TRPM3: variants seen among roughly 807,000 people sequenced by gnomAD.
The protein encoded by TRPM3 is transient receptor potential cation channel subfamily M member 3.
TRPM3 carries 77 observed loss-of-function variants against 181.2 expected under a neutral mutation model. That is an observed-to-expected ratio of 0.42 (90% CI 0.35 to 0.51). The LOEUF (loss-of-function observed/expected upper bound fraction) is 0.51. Ranked by LOEUF, TRPM3 falls within the 20% of genes least tolerant of loss-of-function variation. The pLI, the probability that TRPM3 is intolerant of heterozygous loss-of-function variation, is 0.01. For missense variants in TRPM3, 1,759 were observed against 2,196.7 expected (o/e 0.80, Z 3.98); for synonymous variants, 745 against 796.4 (o/e 0.94, Z 1.09).
At chr9:71,305,229 A>G (rs914997543) in intron 1 of TRPM3, among the ~76,000 whole-genome samples, 1 of 152,228 alleles carries the variant, frequency 6.6e-6, no homozygotes, top group African/African-American at 2.4e-5. Flanking sequence ...AGGTTTAATT[A>G]TAATCAAAAT....
intron 1 of TRPM3, among the ~76,000 whole-genome samples, chr9:70,961,182 G>T (rs2097133090): frequency 6.6e-6 from 1 of 152,152 alleles, no homozygotes; most frequent in African/African-American, 2.4e-5. Context: ...AGAGGTTGGA[G>T]CAATGTGCTT....
At chr9:71,058,689 A>C (rs761565835) in intron 1 of TRPM3, among the ~76,000 whole-genome samples, 18 of 152,130 alleles carry the variant, frequency 1.2e-4, no homozygotes, top group Non-Finnish European at 2.6e-4. Flanking sequence ...AATTAACTTA[A>C]ATTTGGCCTG....
intron 1 of TRPM3, among the ~76,000 whole-genome samples, chr9:71,240,711 T>C (rs923232982): frequency 6.6e-6 from 1 of 152,186 alleles, no homozygotes; most frequent in Admixed American, 6.5e-5. Flanking sequence ...ATATTTTTAG[T>C]GGTGAGTTAG....
At chr9:70,833,462 C>T (rs751198350) in intron 5 of TRPM3, among the ~76,000 whole-genome samples, 4 of 152,146 alleles carry the variant, frequency 2.6e-5, no homozygotes, top group Admixed American at 6.5e-5. Flanking sequence ...AAAATATTAG[C>T]ATTTATTGAT....
intron 1 of TRPM3, among the ~76,000 whole-genome samples, chr9:71,377,024 GAA>G (rs1565513020): frequency 6.6e-6 from 1 of 152,232 alleles, no homozygotes; most frequent in East Asian, 1.9e-4. Flanking sequence ...CACGTGCCAT[GAA>G]AGTGTTATTA....
At chr9:70,776,538 G>A in intron 7 of TRPM3, 3 of 676,738 alleles carry the variant, frequency 4.4e-6, no homozygotes, top group Non-Finnish European at 8.1e-6. Context: ...TAAACTGAAT[G>A]CCCTTAAAAA....
intron 1 of TRPM3, among the ~76,000 whole-genome samples, chr9:70,894,704 G>C (rs2096257770): frequency 6.6e-6 from 1 of 152,134 alleles, no homozygotes; most frequent in Non-Finnish European, 1.5e-5. Flanking sequence ...TATTTGGGCT[G>C]TCATACAGAA....
chr9:71,298,094 G>GAA (rs11288806), intron 1 of TRPM3, among the ~76,000 whole-genome samples: 2 of 142,494 alleles, frequency 1.4e-5, no homozygotes, highest in African/African-American at 2.6e-5. Flanking sequence ...TCTGCCACCA[G>GAA]AAAAAAAAAA....
At chr9:70,958,244 G>T (rs569745950) in intron 1 of TRPM3, among the ~76,000 whole-genome samples, 1 of 152,150 alleles carries the variant, frequency 6.6e-6, no homozygotes, top group African/African-American at 2.4e-5. Context: ...AAGTTTGTAT[G>T]GTTCTGTGCT....
chr9:70,682,332 T>A (rs1484408226), intron 8 of TRPM3, among the ~76,000 whole-genome samples: 1 of 152,160 alleles, frequency 6.6e-6, no homozygotes, highest in East Asian at 1.9e-4. Context: ...AAAACATCAC[T>A]AATGCAAACA....
intron 1 of TRPM3, among the ~76,000 whole-genome samples, chr9:71,261,283 G>A (rs190435714): frequency 2.0e-4 from 30 of 151,994 alleles, no homozygotes; most frequent in African/African-American, 6.0e-4. Flanking sequence ...CCTTTCTTCC[G>A]CTGGATTGAT....
At chr9:70,570,910 C>CT (rs1212783447) in intron 22 of TRPM3, among the ~76,000 whole-genome samples, 1 of 152,192 alleles carries the variant, frequency 6.6e-6, no homozygotes, top group Non-Finnish European at 1.5e-5. Context: ...CTTTCACATT[C>CT]TTTTTCTTTC....
intron 1 of TRPM3, among the ~76,000 whole-genome samples, chr9:71,306,683 G>A (rs1242236661): frequency 6.6e-6 from 1 of 152,086 alleles, no homozygotes; most frequent in African/African-American, 2.4e-5. Flanking sequence ...AGACAATCCT[G>A]GCCAACATGA....
intron 1 of TRPM3, among the ~76,000 whole-genome samples, chr9:70,958,916 A>G (rs1159330220): frequency 2.0e-5 from 3 of 151,332 alleles, no homozygotes; most frequent in Non-Finnish European, 4.4e-5. Flanking sequence ...AAAAAACCAA[A>G]CACTGCATGT....
intron 21 of TRPM3, among the ~76,000 whole-genome samples, chr9:70,594,993 A>C (rs548708870): frequency 6.2e-4 from 94 of 152,326 alleles, no homozygotes; most frequent in Non-Finnish European, 8.5e-4. Context: ...AAAGTCCCCA[A>C]GTGTACTCAT....
At chr9:71,301,693 G>C (rs905678363) in intron 1 of TRPM3, among the ~76,000 whole-genome samples, 25 of 152,170 alleles carry the variant, frequency 1.6e-4, no homozygotes, top group Middle Eastern at 3.4e-3. Context: ...TTTGTGTTTG[G>C]CAATAGGGTG....
At chr9:70,962,181 C>T (rs912688152) in intron 1 of TRPM3, among the ~76,000 whole-genome samples, 1 of 152,028 alleles carries the variant, frequency 6.6e-6, no homozygotes, top group Non-Finnish European at 1.5e-5. Context: ...TTTATGTGGC[C>T]TCCAAGCTCC....
chr9:71,301,746 C>T (rs1229620409), intron 1 of TRPM3, among the ~76,000 whole-genome samples: 2 of 152,048 alleles, frequency 1.3e-5, no homozygotes, highest in Non-Finnish European at 2.9e-5. Context: ...GGGCTGTGAG[C>T]CAGTTGCTTC....
At chr9:70,744,513 T>G (rs1333258022) in intron 8 of TRPM3, among the ~76,000 whole-genome samples, 2 of 152,178 alleles carry the variant, frequency 1.3e-5, no homozygotes, top group East Asian at 3.9e-4. Flanking sequence ...ACTATAAGCA[T>G]TATTACACAT....
Sources: gnomAD v4.1 joint callset for allele counts (sites outside exome capture counted in the v4.1 genomes callset) on GRCh38, gnomAD v4.1.1 for gene constraint, MANE v1.5 for transcripts, NCBI Gene and HGNC (gene_info 2026-07-23, HGNC 2026-07-21) for gene names.